The following RBFOX1 variants were observed in gnomAD, a reference collection of about 807,000 sequenced individuals.
RBFOX1 encodes RNA binding protein fox-1 homolog 1.
RBFOX1 carries 8 observed loss-of-function variants against 57.7 expected under a neutral mutation model. The observed-to-expected ratio is 0.14, with a 90% confidence interval of 0.08 to 0.25. The LOEUF (loss-of-function observed/expected upper bound fraction) is 0.25, where lower values mean the gene tolerates loss of function less well. RBFOX1 is among the 10% of genes least tolerant of loss of function. The pLI, the probability that RBFOX1 is intolerant of heterozygous loss-of-function variation, is 1.00. For synonymous variants in RBFOX1, 326 were observed against 222.4 expected (o/e 1.47, Z -4.15); for missense variants, 611 against 548.5 (o/e 1.11, Z -1.14).
rs573142765 is a variant in RBFOX1 at position 6,597,205 on chromosome 16, C to T, written c.-63-57398C>T. 7.5e-4 allele frequency among the ~76,000 whole-genome samples: 114 copies of T among 152,270 alleles called. 1 individual carries two copies. In the South Asian group the frequency reaches 0.022, roughly 29 times the overall value. On this transcript the variant is annotated intron_variant, in intron 2 of 15. Transcript: ENST00000550418. ...GGACGATTCTCTAATCTTCATATCT[C>T]ATCTCCAGCATCCAAGGAGGTGGAG...
chr16:5,703,549 C>G (rs534408118), intron 3 of RBFOX1, among the ~76,000 whole-genome samples: 1 of 152,254 alleles, frequency 6.6e-6, no homozygotes, highest in East Asian at 1.9e-4. Flanking sequence ...GCCATGGAAG[C>G]CTATTTAAAG....
intron 3 of RBFOX1, among the ~76,000 whole-genome samples, chr16:6,928,314 G>C (rs2075970938): frequency 6.6e-6 from 1 of 152,120 alleles, no homozygotes. Flanking sequence ...CAGGGACAAA[G>C]GCGATCTGGA....
intron 3 of RBFOX1, among the ~76,000 whole-genome samples, chr16:5,724,055 C>T (rs116548503): frequency 0.013 from 2,041 of 152,252 alleles, 50 homozygotes; most frequent in African/African-American, 0.047. Flanking sequence ...GTGCATGTGC[C>T]TGCGTGCAGA....
intron 3 of RBFOX1, among the ~76,000 whole-genome samples, chr16:7,001,412 G>GTATATCTATATGTATATGTATATC (rs746357556): frequency 4.5e-4 from 62 of 136,894 alleles, no homozygotes; most frequent in African/African-American, 1.8e-3. Flanking sequence ...ATATGTATAT[G>GTATATCTATATGTATATGTATATC]TATATGTATA....
At chr16:7,705,517 T>G (rs955439437) in intron 14 of RBFOX1, among the ~76,000 whole-genome samples, 1 of 152,036 alleles carries the variant, frequency 6.6e-6, no homozygotes, top group Non-Finnish European at 1.5e-5. Context: ...AAATATTAAA[T>G]TTTTTAAAAA....
At chr16:6,638,635 C>T (rs1046256682) in intron 2 of RBFOX1, among the ~76,000 whole-genome samples, 1 of 152,120 alleles carries the variant, frequency 6.6e-6, no homozygotes, top group African/African-American at 2.4e-5. Flanking sequence ...ATTTTTTACA[C>T]TAATTTATAT....
chr16:7,025,701 C>T (rs1164906621), intron 3 of RBFOX1, among the ~76,000 whole-genome samples: 2 of 151,870 alleles, frequency 1.3e-5, no homozygotes, highest in African/African-American at 4.8e-5. Flanking sequence ...CCTCTGGAGC[C>T]TGCCGCACTG....
chr16:5,562,370 G>T (rs1383726546), intron 2 of RBFOX1, among the ~76,000 whole-genome samples: 1 of 152,146 alleles, frequency 6.6e-6, no homozygotes, highest in African/African-American at 2.4e-5. Context: ...TCAGGATTCA[G>T]TGAAGAACCT....
chr16:6,488,602 C>T (rs926306036), intron 2 of RBFOX1, among the ~76,000 whole-genome samples: 2 of 152,020 alleles, frequency 1.3e-5, no homozygotes, highest in African/African-American at 4.8e-5. Context: ...TTTCTGATTC[C>T]AATATGCTAA....
chr16:6,787,287 A>C (rs1480663656), intron 3 of RBFOX1, among the ~76,000 whole-genome samples: 2 of 152,172 alleles, frequency 1.3e-5, no homozygotes, highest in African/African-American at 4.8e-5. Flanking sequence ...TAATCTTAAG[A>C]GCAAAAGCCA....
intron 3 of RBFOX1, among the ~76,000 whole-genome samples, chr16:6,786,458 A>T (rs911589570): frequency 4.6e-5 from 7 of 152,160 alleles, no homozygotes; most frequent in African/African-American, 1.7e-4. Context: ...TACAGGGAAA[A>T]AGCAGAAAAA....
intron 2 of RBFOX1, among the ~76,000 whole-genome samples, chr16:6,580,558 T>G (rs2097522971): frequency 6.7e-6 from 1 of 149,790 alleles, no homozygotes; most frequent in Non-Finnish European, 1.5e-5. Context: ...AAATACACGT[T>G]TGCTCAATTC....
At chr16:6,282,693 A>G (rs528163549) in intron 1 of RBFOX1, among the ~76,000 whole-genome samples, 1 of 152,168 alleles carries the variant, frequency 6.6e-6, no homozygotes, top group South Asian at 2.1e-4. Flanking sequence ...AGCTTCATCC[A>G]TGTCCCTCCA....
At chr16:5,348,681 T>C (rs908329147) in intron 1 of RBFOX1, among the ~76,000 whole-genome samples, 1 of 152,224 alleles carries the variant, frequency 6.6e-6, no homozygotes, top group African/African-American at 2.4e-5. Context: ...TCAATTTATG[T>C]GTTTAGTAGA....
At chr16:6,860,170 C>G (rs779922524) in intron 3 of RBFOX1, among the ~76,000 whole-genome samples, 1 of 152,160 alleles carries the variant, frequency 6.6e-6, no homozygotes, top group Non-Finnish European at 1.5e-5. Flanking sequence ...GCTTCATTTT[C>G]TGAGTCATCT....
chr16:6,250,632 G>T (rs890585006), intron 1 of RBFOX1, among the ~76,000 whole-genome samples: 2 of 152,086 alleles, frequency 1.3e-5, no homozygotes, highest in Non-Finnish European at 2.9e-5. Flanking sequence ...GATTTGAGAG[G>T]GGTCATCCCT....
In RBFOX1 at chr16:7,483,694, C is replaced by T. The variant is rs1318864214; in HGVS notation, c.28-34453C>T. Among the ~76,000 whole-genome samples the T allele has an allele frequency of 2.6e-5, 4 of 152,080 alleles. No individual in the cohort carries two copies. The East Asian group carries it at 5.8e-4, about 22-fold the overall frequency. On this transcript the variant is annotated intron_variant, in intron 4 of 15. Coordinates refer to ENST00000550418, the MANE Select transcript of RBFOX1 (RefSeq NM_018723.4). ...TATTGGTATTTTAAAGGTGGGTTTTCCAGAGTTGGGTATAAGTTCAGCTAC... is the reference window on the plus strand; with the variant it reads ...TATTGGTATTTTAAAGGTGGGTTTTTCAGAGTTGGGTATAAGTTCAGCTAC...
intron 2 of RBFOX1, among the ~76,000 whole-genome samples, chr16:6,544,701 A>T (rs925019120): frequency 6.6e-6 from 1 of 152,184 alleles, no homozygotes; most frequent in Non-Finnish European, 1.5e-5. Context: ...GGGACTCTAT[A>T]TAAGTTTGTC....
At chr16:7,218,254 A>G (rs1400977294) in intron 4 of RBFOX1, among the ~76,000 whole-genome samples, 2 of 152,216 alleles carry the variant, frequency 1.3e-5, no homozygotes, top group East Asian at 3.9e-4. Context: ...TCTGAAAATC[A>G]CTATTCTCTA....
Sources: allele counts gnomAD v4.1 joint callset (sites outside exome capture counted in the v4.1 genomes callset), GRCh38; gene constraint gnomAD v4.1.1; transcripts MANE v1.5; gene names NCBI Gene and HGNC (gene_info 2026-07-23, HGNC 2026-07-21).